Variants in FAM120B observed in about 807,000 individuals in gnomAD.
The protein encoded by FAM120B is family with sequence similarity 120 member B, also known as constitutive coactivator of peroxisome proliferator-activated receptor gamma.
In FAM120B, 83 loss-of-function variants were observed where a neutral mutation model predicts 96.3. The observed-to-expected ratio is 0.86, with a 90% confidence interval of 0.72 to 1.03. FAM120B has a LOEUF of 1.03. FAM120B is among the 50% of genes least tolerant of loss of function. The probability of loss-of-function intolerance (pLI) is 0.00; values close to 1 mark genes in which losing one functional copy is unlikely to be tolerated. For synonymous variants in FAM120B, 407 were observed against 402.7 expected (o/e 1.01, Z -0.13); for missense variants, 1,027 against 1,121.2 (o/e 0.92, Z 1.20).
rs1178088251 is a variant in FAM120B, at chr6:170,370,761, C to CT, written c.2283+12445dup. On this transcript the variant is annotated intron_variant, in intron 6 of 10. Transcript: ENST00000476287. This position sits in a 1 kb window ranked among gnomAD's most constrained non-coding sequence, Gnocchi z 4.3. The stretch of plus-strand genomic sequence containing the variant: ...TTGTTTTCCTTAACATTCTTTTAAA[C>CT]TTGGTTTCTTCCTGTAGCTTTACAT... Among the ~76,000 whole-genome samples the CT allele has an allele frequency of 6.6e-6, 1 of 152,152 alleles. No homozygotes were observed. The highest frequency in any genetic ancestry group is 1.5e-5 in the Non-Finnish European group (1 of 68,026).
At chr6:170,386,949 C>T (rs1790219572) in intron 6 of FAM120B, among the ~76,000 whole-genome samples, 1 of 152,114 alleles carries the variant, frequency 6.6e-6, no homozygotes, top group Non-Finnish European at 1.5e-5. Flanking sequence ...ATTTGAAAAC[C>T]ATTGTAAATA....
At chr6:170,330,301 A>G in intron 3 of FAM120B, 148 bp from the exon 4 acceptor site, 2 of 599,388 alleles carry the variant, frequency 3.3e-6, no homozygotes, top group Non-Finnish European at 6.0e-6. Flanking sequence ...ATAAGAAATT[A>G]ATTGTTGGAT....
At chr6:170,390,970 C>T in intron 7 of FAM120B, 43 bp from the exon 8 acceptor site, 3 of 1,537,360 alleles carry the variant, frequency 2.0e-6, no homozygotes, top group Non-Finnish European at 2.7e-6. Context: ...TACTTTGCCA[C>T]ATCTGGCCCC....
At chr6:170,374,856 G>A (rs186768227) in intron 6 of FAM120B, among the ~76,000 whole-genome samples, 76 of 152,294 alleles carry the variant, frequency 5.0e-4, no homozygotes, top group Middle Eastern at 3.4e-3. Context: ...GTGAAGGGCC[G>A]TCAGAGCACA....
At chr6:170,335,522 T>C (rs568153635) in intron 4 of FAM120B, among the ~76,000 whole-genome samples, 1 of 152,338 alleles carries the variant, frequency 6.6e-6, no homozygotes, top group South Asian at 2.1e-4. Flanking sequence ...AACATACGTG[T>C]GCATGTGTCT....
intron 4 of FAM120B, among the ~76,000 whole-genome samples, chr6:170,332,281 T>A (rs560837822): frequency 3.3e-5 from 5 of 152,344 alleles, no homozygotes; most frequent in African/African-American, 1.2e-4. Context: ...AAGACAAGAT[T>A]TTAAATTTTA....
At chr6:170,301,175 C>A (rs1261257307) in intron 1 of FAM120B, among the ~76,000 whole-genome samples, 1 of 152,242 alleles carries the variant, frequency 6.6e-6, no homozygotes, top group East Asian at 1.9e-4. Context: ...CCTCTGAAAT[C>A]TAGGTGGAGG....
intron 8 of FAM120B, among the ~76,000 whole-genome samples, chr6:170,394,770 T>A (rs1790641560): frequency 6.6e-6 from 1 of 152,268 alleles, no homozygotes; most frequent in Non-Finnish European, 1.5e-5. Context: ...AAGGCCACTC[T>A]TCCCTCATAG....
intron 3 of FAM120B, among the ~76,000 whole-genome samples, chr6:170,324,702 C>T (rs1219801312): frequency 6.6e-6 from 1 of 152,178 alleles, no homozygotes; most frequent in East Asian, 1.9e-4. Context: ...AAACCATTCA[C>T]ATTGAATTTG....
At chr6:170,291,006 C>T (rs963639727), upstream of FAM120B, 5 of 701,918 alleles carry the variant, frequency 7.1e-6, no homozygotes, top group Non-Finnish European at 1.3e-5. Context: ...AGCAGCCCCC[C>T]AATCTGGCGA....
At chr6:170,355,717 A>G (rs1322642010) in intron 5 of FAM120B, among the ~76,000 whole-genome samples, 1 of 152,178 alleles carries the variant, frequency 6.6e-6, no homozygotes, top group African/African-American at 2.4e-5. Context: ...TGTACCCCCA[A>G]ACTTAAACTT....
chr6:170,322,051 A>C (rs2115036791), intron 2 of FAM120B, among the ~76,000 whole-genome samples: 1 of 152,342 alleles, frequency 6.6e-6, no homozygotes, highest in East Asian at 1.9e-4. Flanking sequence ...CTTCACTGGA[A>C]GGTAAAACCT....
At chr6:170,307,832 G>A (rs975867647) in intron 1 of FAM120B, among the ~76,000 whole-genome samples, 2 of 152,160 alleles carry the variant, frequency 1.3e-5, no homozygotes, top group African/African-American at 4.8e-5. Flanking sequence ...AAATGGTAGT[G>A]GAGAGAACCT....
chr6:170,308,424 C>T (rs1184998744), intron 1 of FAM120B, among the ~76,000 whole-genome samples: 1 of 152,076 alleles, frequency 6.6e-6, no homozygotes, highest in African/African-American at 2.4e-5. Flanking sequence ...ATACTGAAAT[C>T]TCTGATCACC....
chr6:170,307,027 C>T (rs1211967614), intron 1 of FAM120B, among the ~76,000 whole-genome samples, 185 bp downstream of exon 1: 1 of 152,232 alleles, frequency 6.6e-6, no homozygotes, highest in African/African-American at 2.4e-5. Context: ...CTCGCGTCCC[C>T]GCTGCCGAGC....
At chr6:170,329,496 C>T (rs568193477) in intron 3 of FAM120B, among the ~76,000 whole-genome samples, 4 of 152,250 alleles carry the variant, frequency 2.6e-5, no homozygotes, top group Admixed American at 2.0e-4. Context: ...TGGCTCTGCT[C>T]GATCACAGTC....
chr6:170,396,216 C>CT, intron 9 of FAM120B, among the ~76,000 whole-genome samples: 1 of 152,182 alleles, frequency 6.6e-6, no homozygotes, highest in African/African-American at 2.4e-5. Flanking sequence ...CTGTGACTTT[C>CT]ACAACGTCTA....
intron 1 of FAM120B, among the ~76,000 whole-genome samples, chr6:170,310,409 G>A (rs1402868819): frequency 6.6e-6 from 1 of 152,246 alleles, no homozygotes; most frequent in Non-Finnish European, 1.5e-5. Flanking sequence ...TGGCTCTGTG[G>A]TGAGGCCCTT....
chr6:170,393,395 G>A (rs1157770372), intron 8 of FAM120B, among the ~76,000 whole-genome samples: 1 of 152,234 alleles, frequency 6.6e-6, no homozygotes, highest in Non-Finnish European at 1.5e-5. Flanking sequence ...GTCTAATGCA[G>A]TGTGGTACAG....
Sources: allele counts gnomAD v4.1 joint callset (sites outside exome capture counted in the v4.1 genomes callset), GRCh38; gene constraint gnomAD v4.1.1; non-coding constraint Gnocchi (gnomAD v3.1); transcripts MANE v1.5; gene names NCBI Gene and HGNC (gene_info 2026-07-23, HGNC 2026-07-21).